The following CUX1 variants were observed in gnomAD, a reference collection of about 807,000 sequenced individuals.
The protein encoded by CUX1 is protein CASP.
Under a neutral mutation model 158.8 loss-of-function variants are expected in CUX1, and 31 were observed. The observed-to-expected ratio is 0.20, with a 90% CI of 0.15 to 0.26. The LOEUF (loss-of-function observed/expected upper bound fraction) is 0.26. Ranked by LOEUF, CUX1 falls within the 10% of genes least tolerant of loss-of-function variation. CUX1 has a pLI of 1.00. For synonymous variants in CUX1, 879 were observed against 862.1 expected (o/e 1.02, Z -0.34); for missense variants, 1,589 against 2,014.6 (o/e 0.79, Z 4.04).
chr7:102,016,247 C>T (rs1818571967), intron 2 of CUX1, among the ~76,000 whole-genome samples: 1 of 152,228 alleles, frequency 6.6e-6, no homozygotes, highest in Non-Finnish European at 1.5e-5. Flanking sequence ...TGTGCCCGGC[C>T]AGGCTTGCCT....
chr7:102,255,911 G>T lies in CUX1; in HGVS notation c.*6869G>T. The T allele has an allele frequency of 1.0e-6, 1 of 985,284 alleles. No individual in the cohort carries two copies. Among genetic ancestry groups the T allele is most frequent in the South Asian group, 4.7e-5 (1 of 21,278 alleles). The allele number at this position is 985,284 out of a possible 1,614,324, so 61.0% of individuals were successfully genotyped here. A position where few individuals can be genotyped will look rare whatever the true frequency, so the allele number is the denominator to read the frequency against. ...CTATGTGTAAAAGCTCTGTGCAATT[G>T]AAATCATTTTTCTTCATTTTAAAAA... On this transcript the variant is annotated 3_prime_UTR_variant, in exon 24 of 24. Coordinates refer to ENST00000292535, the MANE Select transcript of CUX1 (RefSeq NM_181552.4).
At chr7:101,969,356 CAGCA>C (rs1811636440) in intron 2 of CUX1, among the ~76,000 whole-genome samples, 1 of 31,678 alleles carries the variant, frequency 3.2e-5, no homozygotes. Context: ...AAACAAAAAA[CAGCA>C]AAAAAAAAAA....
intron 9 of CUX1, among the ~76,000 whole-genome samples, chr7:102,163,072 C>T (rs1315238888): frequency 1.3e-5 from 2 of 152,134 alleles, no homozygotes; most frequent in African/African-American, 4.8e-5. Flanking sequence ...GAGAAGCATC[C>T]AGGGAGGAAA....
intron 10 of CUX1, among the ~76,000 whole-genome samples, chr7:102,172,297 G>A (rs551909857): frequency 1.3e-5 from 2 of 152,190 alleles, no homozygotes; most frequent in Admixed American, 1.3e-4. Flanking sequence ...TTGCCACATT[G>A]CCCAGGCTGG....
intron 2 of CUX1, among the ~76,000 whole-genome samples, chr7:102,006,345 T>C (rs1817376777): frequency 6.6e-6 from 1 of 152,296 alleles, no homozygotes; most frequent in East Asian, 1.9e-4. Context: ...GAAGGACAAC[T>C]CTGGAATGCC....
chr7:101,914,368 TTCCCTCCCTCCC>T (rs573449815), intron 1 of CUX1, among the ~76,000 whole-genome samples: 2 of 126,524 alleles, frequency 1.6e-5, no homozygotes, highest in Non-Finnish European at 3.3e-5. Context: ...CCTTCCTTCC[TTCCCTCCCTCCC>T]TCCCTCCCTC....
intron 8 of CUX1, among the ~76,000 whole-genome samples, chr7:102,126,597 G>A (rs544076218): frequency 1.3e-5 from 2 of 152,098 alleles, no homozygotes; most frequent in South Asian, 4.2e-4. Flanking sequence ...TAACCTAAAT[G>A]TCATAGCTTA....
rs760298902 is a variant in CUX1, at chr7:101,993,253, C to G, written c.142-34845C>G. Reference sequence around the variant, plus strand: ...GCTGAGGCAGGAGAATCGCTTGAACCCGGGAGGTAGAGGTTGCAGTGAGCC... The same window carrying G: ...GCTGAGGCAGGAGAATCGCTTGAACGCGGGAGGTAGAGGTTGCAGTGAGCC... On this transcript the variant is annotated intron_variant, in intron 2 of 23. Coordinates refer to ENST00000292535, the MANE Select transcript of CUX1 (RefSeq NM_181552.4). Among the ~76,000 whole-genome samples, 13 of 152,246 alleles carry G rather than the reference C, an allele frequency of 8.5e-5. No homozygotes were observed. In the East Asian group the frequency reaches 2.5e-3, roughly 29 times the overall value.
chr7:101,874,937 A>C (rs1798965434), intron 1 of CUX1, among the ~76,000 whole-genome samples: 1 of 152,212 alleles, frequency 6.6e-6, no homozygotes. Context: ...GAGGACAGAC[A>C]CCGCTGCTGT....
intron 2 of CUX1, among the ~76,000 whole-genome samples, chr7:102,007,314 G>A (rs547730598): frequency 1.3e-5 from 2 of 151,952 alleles, no homozygotes; most frequent in African/African-American, 2.4e-5. Context: ...TGAGGCCCTC[G>A]GCTCTTCCAC....
At position 101,916,181 on chromosome 7, in the gene CUX1, C is replaced by T. The variant is rs771176824; in HGVS notation, c.97C>T (p.Arg33Trp). Residue 33 changes from arginine (R) to tryptophan (W), a missense_variant, in exon 2 of 24, where the codon CGG becomes TGG. This residue lies in a region of CUX1 where 63 missense variants were observed against 109.2 expected (regional missense o/e 0.58). Coordinates refer to ENST00000292535, the MANE Select transcript of CUX1 (RefSeq NM_181552.4). This position sits in a 1 kb window ranked among gnomAD's most constrained non-coding sequence, Gnocchi z 4.4. ...RQDESEQSRK[R>W]LIEQSREFKK... ...GGATGAAAGTGAGCAGTCCAGAAAG[C>T]GGCTTATCGAACAGAGCCGGGAGTT... 13 of 1,613,782 alleles carry T rather than the reference C, an allele frequency of 8.1e-6. No individual in the cohort carries two copies. In the African/African-American group the frequency reaches 1.1e-4, roughly 13 times the overall value.
At position 102,196,802 on chromosome 7, in the gene CUX1, C is replaced by G; in HGVS notation, c.1391C>G (p.Ser464Cys). 1 of 1,614,164 alleles carries G rather than the reference C, an allele frequency of 6.2e-7. No individual in the cohort carries two copies. The highest frequency in any genetic ancestry group is 8.5e-7 in the Non-Finnish European group (1 of 1,180,032). ...AGLSQDFFSS[S>C]LASPSLPLAS... ...TTAAGTCAAGACTTTTTCAGCTCAT[C>G]CCTGGCAAGCCCCAGCCTACCCCTG... Residue 464 changes from serine (S) to cysteine (C), a missense_variant, in exon 15 of 24, where the codon TCC becomes TGC. Ser to Cys is a moderately radical substitution (Grantham distance 112). Transcript: ENST00000292535.
chr7:102,248,748 G>T lies in CUX1; in HGVS notation c.4224G>T (p.Ala1408=). 1 of 1,056,448 alleles carries T rather than the reference G, an allele frequency of 9.5e-7. No homozygotes were observed. Among genetic ancestry groups the T allele is most frequent in the South Asian group, 3.7e-5 (1 of 26,700 alleles). The allele number at this position is 1,056,448 out of a possible 1,614,324, so 65.4% of individuals were successfully genotyped here. A position where few individuals can be genotyped will look rare whatever the true frequency, so the allele number is the denominator to read the frequency against. Residue 1408 remains alanine (A), a synonymous_variant, in exon 24 of 24, where the codon GCG becomes GCT. Coordinates refer to ENST00000292535, the MANE Select transcript of CUX1 (RefSeq NM_181552.4). This position sits in a 1 kb window ranked among gnomAD's most constrained non-coding sequence, Gnocchi z 5.8. ...GPGPLPSPAS[A]TATAAPAAPE... is the part of the protein sequence containing the mutation. ...GGCCCCTGCCCAGCCCCGCCTCCGC[G>T]ACCGCCACCGCCGCGCCCGCGGCCC...
intron 1 of CUX1, among the ~76,000 whole-genome samples, chr7:101,882,663 A>G (rs568146782): frequency 6.6e-6 from 1 of 152,358 alleles, no homozygotes; most frequent in South Asian, 2.1e-4. Flanking sequence ...GATGCTCTGC[A>G]CATAGTAGTA....
chr7:102,137,237 G>A (rs1834005564), intron 8 of CUX1, among the ~76,000 whole-genome samples: 1 of 152,200 alleles, frequency 6.6e-6, no homozygotes, highest in South Asian at 2.1e-4. Context: ...CTGTGACCTG[G>A]TTTTTAGATG....
At chr7:102,066,115 G>A (rs1040082002) in intron 3 of CUX1, among the ~76,000 whole-genome samples, 4 of 152,112 alleles carry the variant, frequency 2.6e-5, no homozygotes, top group Admixed American at 2.0e-4. Flanking sequence ...AAACCCCGAT[G>A]TCCACGGGGC....
intron 14 of CUX1, among the ~76,000 whole-genome samples, chr7:102,263,989 G>A (rs1790613233): frequency 7.2e-6 from 1 of 139,360 alleles, no homozygotes; most frequent in Admixed American, 7.5e-5. Context: ...ACTATTCCCA[G>A]ACAGAAGTTA....
chr7:102,156,663 G>A (rs1554505377), intron 8 of CUX1, among the ~76,000 whole-genome samples: 1 of 152,138 alleles, frequency 6.6e-6, no homozygotes, highest in Non-Finnish European at 1.5e-5. Flanking sequence ...CTCTCACTTG[G>A]ACGTGCCTCC....
intron 1 of CUX1, among the ~76,000 whole-genome samples, chr7:101,862,749 A>G (rs1797591351): frequency 6.6e-6 from 1 of 151,850 alleles, no homozygotes; most frequent in South Asian, 2.1e-4. Flanking sequence ...TTTCCTTCCC[A>G]TCGTAAGTCC....
Sources: gnomAD v4.1 joint callset for allele counts (sites outside exome capture counted in the v4.1 genomes callset) on GRCh38, gnomAD v4.1.1 for gene constraint, gnomAD v4.1.1 regional missense constraint, Gnocchi (gnomAD v3.1) non-coding constraint, MANE v1.5 for transcripts, NCBI Gene and HGNC (gene_info 2026-07-23, HGNC 2026-07-21) for gene names.